Variants in CDC123 observed in about 807,000 individuals in gnomAD.
CDC123 encodes cell division cycle 123, also known as translation initiation factor eIF2 assembly protein.
In CDC123, 37 loss-of-function variants were observed where a neutral mutation model predicts 54.4. The observed-to-expected ratio is 0.68, with a 90% CI of 0.52 to 0.89. The LOEUF (loss-of-function observed/expected upper bound fraction) is 0.89. Among genes scored for constraint, CDC123 ranks in the 40% least tolerant of loss-of-function variants. The probability of loss-of-function intolerance (pLI) is 0.00; values close to 1 mark genes in which losing one functional copy is unlikely to be tolerated. For missense variants in CDC123, 361 were observed against 412.1 expected (o/e 0.88, Z 1.07); for synonymous variants, 144 against 136.8 (o/e 1.05, Z -0.37).
chr10:12,221,853 C>T lies in CDC123; in HGVS notation c.440+4386C>T, dbSNP rs572120423. The stretch of plus-strand genomic sequence containing the variant: ...TAGTGTTAGTGTATTTTATATGTGG[C>T]CCAAGACAATTCTTCCTCTAATGTT... On this transcript the variant is annotated intron_variant, in intron 6 of 12. Coordinates refer to ENST00000281141, the MANE Select transcript of CDC123 (RefSeq NM_006023.3). 1.3e-3 allele frequency among the ~76,000 whole-genome samples: 193 copies of T among 151,436 alleles called. 2 individuals carry two copies. In the Middle Eastern group the frequency reaches 0.014, roughly 11 times the overall value.
chr10:12,236,622 C>T (rs1017940074), intron 8 of CDC123, among the ~76,000 whole-genome samples: 12 of 148,614 alleles, frequency 8.1e-5, no homozygotes, highest in Admixed American at 4.7e-4. Flanking sequence ...AGGCCAGGTG[C>T]GGTGGCTTAC....
intron 6 of CDC123, among the ~76,000 whole-genome samples, chr10:12,219,880 G>A (rs1835712362): frequency 6.6e-6 from 1 of 152,118 alleles, no homozygotes; most frequent in African/African-American, 2.4e-5. Flanking sequence ...AGTAAAGACG[G>A]TGTTTCACCA....
chr10:12,236,503 G>A (rs1199337725), intron 8 of CDC123, among the ~76,000 whole-genome samples: 1 of 152,040 alleles, frequency 6.6e-6, no homozygotes, highest in East Asian at 1.9e-4. Flanking sequence ...GGAGACTGAG[G>A]TGGGAGGGTC....
chr10:12,223,137 G>T (rs776909589), intron 6 of CDC123, among the ~76,000 whole-genome samples: 1 of 151,852 alleles, frequency 6.6e-6, no homozygotes, highest in Non-Finnish European at 1.5e-5. Flanking sequence ...CTCATGATCC[G>T]CCCACCTTGG....
chr10:12,250,489 A>G lies in CDC123; in HGVS notation c.*152A>G. 2 of 713,502 alleles carry G rather than the reference A, an allele frequency of 2.8e-6. No individual in the cohort carries two copies. The highest frequency in any genetic ancestry group is 1.5e-5 in the South Asian group (1 of 66,490). The allele number at this position is 713,502 out of a possible 1,614,324, so 44.2% of individuals were successfully genotyped here. On this transcript the variant is annotated 3_prime_UTR_variant, in exon 13 of 13. Transcript: ENST00000281141. ...ATTCATGTACATTCACCTGGGGAAA[A>G]AAACGGAGGGACTTTGCTACTTGTA...
chr10:12,242,173 C>T (rs1014428904), intron 10 of CDC123, among the ~76,000 whole-genome samples: 1 of 152,222 alleles, frequency 6.6e-6, no homozygotes, highest in South Asian at 2.1e-4. Flanking sequence ...GGCGTGGCCT[C>T]TGTACGTGAG....
intron 2 of CDC123, among the ~76,000 whole-genome samples, chr10:12,200,897 C>A (rs186749871): frequency 1.3e-5 from 2 of 151,882 alleles, no homozygotes; most frequent in Admixed American, 6.6e-5. Context: ...CATGCCATTG[C>A]GCTCCAGCCT....
At chr10:12,225,615 G>A (rs1835800127) in intron 6 of CDC123, among the ~76,000 whole-genome samples, 1 of 152,018 alleles carries the variant, frequency 6.6e-6, no homozygotes, top group East Asian at 1.9e-4. Context: ...GGCCTGACAA[G>A]TTGTCTACAG....
intron 6 of CDC123, among the ~76,000 whole-genome samples, chr10:12,227,427 A>G (rs1476078201): frequency 6.6e-6 from 1 of 151,868 alleles, no homozygotes; most frequent in Non-Finnish European, 1.5e-5. Flanking sequence ...TTTTCTCCTT[A>G]TGTAGATTAT....
chr10:12,209,942 T>A, intron 2 of CDC123, 25 bp from the exon 3 acceptor site: 1 of 1,613,366 alleles, frequency 6.2e-7, no homozygotes, highest in African/African-American at 1.3e-5. Flanking sequence ...CTTTTCTTTC[T>A]TGATGTTTGT....
intron 2 of CDC123, among the ~76,000 whole-genome samples, chr10:12,205,391 G>A (rs539472988): frequency 8.5e-5 from 13 of 152,284 alleles, no homozygotes; most frequent in Admixed American, 2.0e-4. Flanking sequence ...AGGAGTTTAC[G>A]TTTAGACTTG....
At chr10:12,217,945 C>T (rs1835683129) in intron 6 of CDC123, among the ~76,000 whole-genome samples, 2 of 152,112 alleles carry the variant, frequency 1.3e-5, no homozygotes, top group South Asian at 2.1e-4. Context: ...AAAAATTAGC[C>T]GGGCGTGGTG....
chr10:12,226,520 GCTC>G (rs1588677773), intron 6 of CDC123, among the ~76,000 whole-genome samples: 1 of 150,312 alleles, frequency 6.7e-6, no homozygotes, highest in East Asian at 2.0e-4. Context: ...GGGCAGAGAG[GCTC>G]CTCACCTCCC....
intron 10 of CDC123, chr10:12,245,001 T>A (rs1196382723): frequency 6.6e-6 from 1 of 152,170 alleles, no homozygotes; most frequent in Non-Finnish European, 1.5e-5. Context: ...AGAGTGAGAC[T>A]CTCACAAAAA....
At chr10:12,210,400 C>G (rs1588671904) in intron 4 of CDC123, 78 bp downstream of exon 4, 1 of 1,501,830 alleles carries the variant, frequency 6.7e-7, no homozygotes, top group East Asian at 2.3e-5. Context: ...TAAGTGCATA[C>G]CTCTCTTAAA....
At chr10:12,212,474 T>C (rs1228331403) in intron 4 of CDC123, among the ~76,000 whole-genome samples, 1 of 152,214 alleles carries the variant, frequency 6.6e-6, no homozygotes, top group Non-Finnish European at 1.5e-5. Context: ...GTATTCTTAA[T>C]CCCCAAATTC....
chr10:12,232,121 A>C (rs1835909629), intron 7 of CDC123, among the ~76,000 whole-genome samples: 1 of 152,160 alleles, frequency 6.6e-6, no homozygotes, highest in Non-Finnish European at 1.5e-5. Context: ...TGCTGGGATT[A>C]CAGGCGTGAA....
At chr10:12,243,997 G>C (rs1359304836) in intron 10 of CDC123, among the ~76,000 whole-genome samples, 2 of 152,192 alleles carry the variant, frequency 1.3e-5, no homozygotes, top group African/African-American at 4.8e-5. Flanking sequence ...AACTCAAGCG[G>C]TGAGAAATTT....
intron 2 of CDC123, among the ~76,000 whole-genome samples, chr10:12,204,475 TA>T (rs920145322): frequency 2.0e-5 from 3 of 152,120 alleles, no homozygotes; most frequent in African/African-American, 7.2e-5. Context: ...ATGATTTTTT[TA>T]AATTTTTTAA....
Sources: gnomAD v4.1 joint callset for allele counts (sites outside exome capture counted in the v4.1 genomes callset) on GRCh38, gnomAD v4.1.1 for gene constraint, MANE v1.5 for transcripts, NCBI Gene and HGNC (gene_info 2026-07-23, HGNC 2026-07-21) for gene names.